Variants in FAM193A observed in about 807,000 individuals in gnomAD.
FAM193A encodes protein FAM193A.
In FAM193A, 22 loss-of-function variants were observed where a neutral mutation model predicts 126.5. That is an observed-to-expected ratio of 0.17 (90% CI 0.12 to 0.25). The LOEUF is 0.25. FAM193A is among the 10% of genes least tolerant of loss of function. The probability of loss-of-function intolerance (pLI) is 1.00; values close to 1 mark genes in which losing one functional copy is unlikely to be tolerated. For missense variants in FAM193A, 1,675 were observed against 1,672.8 expected (o/e 1.00, Z -0.02); for synonymous variants, 761 against 646.8 (o/e 1.18, Z -2.68).
At chr4:2,666,927 T>C (rs1203242507) in intron 12 of FAM193A, among the ~76,000 whole-genome samples, 2 of 152,240 alleles carry the variant, frequency 1.3e-5, no homozygotes, top group Non-Finnish European at 2.9e-5. Context: ...TTCTCTGTTT[T>C]CGTTTCTGTG....
chr4:2,700,369 C>G lies in FAM193A; in HGVS notation c.4197C>G (p.Asn1399Lys), dbSNP rs376462811. Residue 1399 changes from asparagine to lysine, a missense_variant, in exon 19 of 21, where the codon AAC (asparagine) becomes AAG (lysine). Transcript: ENST00000637812. ...GAAAAGTCAACAGTAATAACAATAA[C>G]AAAAAGCAGCTGAACCACATCAAGG... is the stretch of plus-strand genomic sequence containing the variant. Reference protein sequence around the residue: ...EERKVNSNNNNKKQLNHIKDE... With the variant: ...EERKVNSNNNKKKQLNHIKDE... The G allele has an allele frequency of 1.4e-5, 22 of 1,613,984 alleles. No homozygotes were observed. The highest frequency in any genetic ancestry group is 1.8e-5 in the Non-Finnish European group (21 of 1,180,030).
chr4:2,599,671 C>T (rs1741079452), intron 2 of FAM193A, among the ~76,000 whole-genome samples: 1 of 152,140 alleles, frequency 6.6e-6, no homozygotes, highest in Non-Finnish European at 1.5e-5. Context: ...TAAGAAATCT[C>T]CATTTCAAAC....
rs546599448 is a variant in FAM193A at position 2,567,503 on chromosome 4, G to A, written c.256-28581G>A. 5.9e-5 allele frequency among the ~76,000 whole-genome samples: 9 copies of A among 152,176 alleles called. No individual in the cohort carries two copies. The South Asian group carries it at 1.9e-3, about 32-fold the overall frequency. ...ATTCAACCAAGATTTTTAAAATAATGAGGTACAATCATATTGATCTCCATA... is the reference window on the plus strand; with the variant it reads ...ATTCAACCAAGATTTTTAAAATAATAAGGTACAATCATATTGATCTCCATA... On this transcript the variant is annotated intron_variant, in intron 1 of 20. Transcript: ENST00000637812.
intron 1 of FAM193A, among the ~76,000 whole-genome samples, chr4:2,558,207 T>G (rs1738380627): frequency 6.6e-6 from 1 of 151,016 alleles, no homozygotes; most frequent in African/African-American, 2.4e-5. Context: ...GGGAGGAGGT[T>G]GCAGTGAGCC....
intron 16 of FAM193A, 78 bp downstream of exon 16, chr4:2,693,952 C>A: frequency 2.1e-6 from 3 of 1,435,954 alleles, no homozygotes; most frequent in Non-Finnish European, 2.9e-6. Flanking sequence ...GCTACAGAAA[C>A]TCCCCTGGGA....
rs545010067 is a variant in FAM193A, at chr4:2,682,125, C to T, written c.2332-7381C>T. Reference sequence around the variant, plus strand: ...TCAGCCTCCCAAGTAGCTGGGACTACAGGTGCCCACCACCATGCCCGGCTA... The same window carrying T: ...TCAGCCTCCCAAGTAGCTGGGACTATAGGTGCCCACCACCATGCCCGGCTA... On this transcript the variant is annotated intron_variant, in intron 13 of 20. Coordinates refer to ENST00000637812, the MANE Select transcript of FAM193A (RefSeq NM_001366318.2). Among the ~76,000 whole-genome samples the T allele has an allele frequency of 2.6e-5, 4 of 151,942 alleles. No homozygotes were observed. In the East Asian group the frequency reaches 7.7e-4, roughly 29 times the overall value.
rs533867481 is a variant in FAM193A at position 2,732,319 on chromosome 4, A to G, written c.*451A>G. ...GGGCAGGCCTCCTTTGTTCTCCACA[A>G]TCTACTGTCTCCGAGTGTACACGTT... is the stretch of plus-strand genomic sequence containing the variant. On this transcript the variant is annotated 3_prime_UTR_variant, in exon 21 of 21. Transcript: ENST00000637812. 23 of 206,770 alleles carry G rather than the reference A, an allele frequency of 1.1e-4. No individual in the cohort carries two copies. In the East Asian group the frequency reaches 2.7e-3, roughly 24 times the overall value. The allele number at this position is 206,770 out of a possible 1,614,324, so 12.8% of individuals were successfully genotyped here. A position where few individuals can be genotyped will look rare whatever the true frequency, so the allele number is the denominator to read the frequency against.
At chr4:2,545,297 CTT>C (rs758338063) in intron 1 of FAM193A, among the ~76,000 whole-genome samples, 8 of 152,136 alleles carry the variant, frequency 5.3e-5, no homozygotes, top group Non-Finnish European at 1.2e-4. Flanking sequence ...CAGGCCCTCT[CTT>C]TGAATTTCAT....
chr4:2,638,672 A>G (rs909551437), intron 5 of FAM193A, among the ~76,000 whole-genome samples: 3 of 152,262 alleles, frequency 2.0e-5, no homozygotes, highest in Admixed American at 6.5e-5. Flanking sequence ...GTCTAGCAGT[A>G]TCACTGGTGT....
chr4:2,689,841 C>T (rs1716157915), intron 14 of FAM193A, 137 bp downstream of exon 14: 2 of 603,750 alleles, frequency 3.3e-6, no homozygotes, highest in African/African-American at 3.9e-5. Flanking sequence ...CAGTGGGAGG[C>T]CCCTCGGGGC....
chr4:2,629,253 A>T (rs1420311980), intron 4 of FAM193A, among the ~76,000 whole-genome samples: 1 of 151,628 alleles, frequency 6.6e-6, no homozygotes, highest in Non-Finnish European at 1.5e-5. Flanking sequence ...CCGACATGCT[A>T]AGAGAACAGT....
chr4:2,686,440 A>C (rs939275564), intron 13 of FAM193A, among the ~76,000 whole-genome samples: 1 of 152,224 alleles, frequency 6.6e-6, no homozygotes, highest in South Asian at 2.1e-4. Context: ...AAGAGTTCAC[A>C]GTCTAAAGAG....
chr4:2,652,494 C>T (rs1459453889), intron 7 of FAM193A, among the ~76,000 whole-genome samples: 4 of 152,052 alleles, frequency 2.6e-5, no homozygotes, highest in South Asian at 2.1e-4. Flanking sequence ...TGGGAGGCCT[C>T]GGGAAACTTA....
At chr4:2,592,340 G>A (rs1188511969) in intron 1 of FAM193A, among the ~76,000 whole-genome samples, 1 of 152,052 alleles carries the variant, frequency 6.6e-6, no homozygotes, top group African/African-American at 2.4e-5. Flanking sequence ...TGCCTGCCTC[G>A]GCCTCACAGA....
chr4:2,631,119 G>A lies in FAM193A; in HGVS notation c.988G>A (p.Gly330Ser), dbSNP rs770236370. The change falls in exon 5 of 21, where the codon GGC becomes AGC. Residue 330 changes from glycine to serine, a missense_variant. Coordinates refer to ENST00000637812, the MANE Select transcript of FAM193A (RefSeq NM_001366318.2). Reference protein sequence around the residue: ...QFISLLLEEYGALCQAARSIS... With the variant: ...QFISLLLEEYSALCQAARSIS... ...CATCTCCCTCCTGCTTGAGGAGTAC[G>A]GCGCCCTCTGCCAGGCCGCACGCTC... 1.2e-5 allele frequency: 19 copies of A among 1,613,462 alleles called. No homozygotes were observed. Among genetic ancestry groups the A allele is most frequent in the South Asian group, 3.3e-5 (3 of 90,950 alleles).
intron 6 of FAM193A, among the ~76,000 whole-genome samples, chr4:2,643,451 A>T (rs1427539888): frequency 1.3e-5 from 2 of 152,196 alleles, no homozygotes; most frequent in Non-Finnish European, 2.9e-5. Context: ...CATTTTAACT[A>T]GTGTATATTT....
intron 20 of FAM193A, among the ~76,000 whole-genome samples, chr4:2,717,884 C>T (rs968958550): frequency 4.6e-5 from 7 of 152,056 alleles, no homozygotes; most frequent in Non-Finnish European, 1.5e-5. Flanking sequence ...GAACTCCTGA[C>T]CTCAGGTGAT....
intron 13 of FAM193A, among the ~76,000 whole-genome samples, chr4:2,682,023 CG>C (rs1715200215): frequency 7.9e-6 from 1 of 126,570 alleles, no homozygotes; most frequent in African/African-American, 3.1e-5. Context: ...CTTCCTCGGT[CG>C]CCCAGGCTGG....
chr4:2,561,467 G>A (rs1367103726), intron 1 of FAM193A, among the ~76,000 whole-genome samples: 2 of 147,320 alleles, frequency 1.4e-5, no homozygotes, highest in East Asian at 4.0e-4. Context: ...ACAGGCATGA[G>A]CCACCATGCC....
Sources: allele counts gnomAD v4.1 joint callset (sites outside exome capture counted in the v4.1 genomes callset), GRCh38; gene constraint gnomAD v4.1.1; transcripts MANE v1.5; gene names NCBI Gene and HGNC (gene_info 2026-07-23, HGNC 2026-07-21).